The following CACFD1 variants were observed in gnomAD, a reference collection of about 807,000 sequenced individuals.
CACFD1 encodes the protein calcium channel flower domain containing 1.
A neutral mutation model predicts 21.3 loss-of-function variants in CACFD1; 26 were observed. The observed-to-expected ratio is 1.22, with a 90% confidence interval of 0.89 to 1.69. CACFD1 has a LOEUF of 1.69. CACFD1 is among the 40% of genes most tolerant of loss of function. The pLI is 0.00. For synonymous variants in CACFD1, 121 were observed against 106.6 expected, an observed-to-expected ratio of 1.13 and a Z score of -0.83; for missense variants, 265 against 236.2, an observed-to-expected ratio of 1.12 and a Z score of -0.80.
chr9:133,468,464 G>C (rs782093510), intron 4 of CACFD1, 99 bp from the exon 5 acceptor site: 39 of 1,537,614 alleles, frequency 2.5e-5, no homozygotes, highest in Non-Finnish European at 3.2e-5. Context: ...AATGCCTGCA[G>C]GTCACACCTG....
intron 1 of CACFD1, among the ~76,000 whole-genome samples, chr9:133,461,611 C>G (rs952447575): frequency 6.6e-6 from 1 of 152,160 alleles, no homozygotes; most frequent in African/African-American, 2.4e-5. Flanking sequence ...GTGGCCCTGC[C>G]GACTCCCAGA....
chr9:133,465,072 C>T lies in CACFD1; in HGVS notation c.195-250C>T. 1 of 538,654 alleles carries T rather than the reference C, an allele frequency of 1.9e-6. No individual in the cohort carries two copies. 33.4% of individuals were successfully genotyped at this position (538,654 alleles called of 1,614,324 possible). On this transcript the variant is annotated intron_variant, in intron 2 of 4. Coordinates refer to ENST00000316948, the MANE Select transcript of CACFD1 (RefSeq NM_017586.5). This position sits in a 1 kb window ranked among gnomAD's most constrained non-coding sequence, Gnocchi z 5.0. ...GGGAAGCAGAAGCCCAGGGGCTTCC[C>T]TCTAGGAGTGTTCAGTTCAGCTGGG... is the stretch of plus-strand genomic sequence containing the variant.
Position 133,460,215 on chromosome 9 carries a change from G to GGCCCC in CACFD1, c.121+32_121+36dup, listed in dbSNP as rs1564452670. 2.0e-6 allele frequency: 3 copies of GGCCCC among 1,504,680 alleles called. No individual in the cohort carries two copies. In the African/African-American group the frequency reaches 4.3e-5, roughly 22 times the overall value. The allele number at this position is 1,504,680 out of a possible 1,614,324, so 93.2% of individuals were successfully genotyped here. A position where few individuals can be genotyped will look rare whatever the true frequency, so the allele number is the denominator to read the frequency against. On this transcript the variant is annotated intron_variant, in intron 1 of 4. Transcript: ENST00000316948. ...GAGTATCCAGTCGGGGAGAGGGGCC[G>GGCCCC]GCCCCGCCGCGCATGCGCTCCTCGC...
chr9:133,465,277 C>T lies in CACFD1; in HGVS notation c.195-45C>T. 6.2e-7 allele frequency: 1 copy of T among 1,611,356 alleles called. No homozygotes were observed. Among genetic ancestry groups the T allele is most frequent in the South Asian group, 1.1e-5 (1 of 91,016 alleles). On this transcript the variant is annotated intron_variant, in intron 2 of 4. Coordinates refer to ENST00000316948, the MANE Select transcript of CACFD1 (RefSeq NM_017586.5). The surrounding 1 kb of genome is among the most constrained non-coding windows in gnomAD (Gnocchi z 5.0). ...GGCACTGGGGGCCGCCCTCATCCTC[C>T]TGGGATTGTCAGTCGCTGCTCTTCT...
intron 3 of CACFD1, among the ~76,000 whole-genome samples, chr9:133,467,691 C>A (rs1554799797): frequency 3.3e-5 from 5 of 152,166 alleles, no homozygotes; most frequent in Non-Finnish European, 7.3e-5. Flanking sequence ...GATCACAGAC[C>A]CCTTCAAAAA....
In CACFD1 at chr9:133,470,216, TGTGTGTGTGTATGTATATGTGTGTGG is replaced by T. The variant is rs1195625319; in HGVS notation, c.*1567_*1592del. 4.2e-5 allele frequency: 6 copies of T among 143,168 alleles called. No homozygotes were observed. Among genetic ancestry groups the T allele is most frequent in the African/African-American group, 1.2e-4 (5 of 40,466 alleles). The allele number at this position is 143,168 out of a possible 1,614,324, so 8.9% of individuals were successfully genotyped here. On this transcript the variant is annotated 3_prime_UTR_variant, in exon 5 of 5. Coordinates refer to ENST00000316948, the MANE Select transcript of CACFD1 (RefSeq NM_017586.5). ...GTGTGTGTGTGTGTGTGTGTGTGTGTGTGTGTGTGTATGTATATGTGTGTGGGTGCACACATCTGTCCCATGTATGC... is the reference window on the plus strand; with the variant it reads ...GTGTGTGTGTGTGTGTGTGTGTGTGTGTGCACACATCTGTCCCATGTATGC...
At chr9:133,463,618 C>G in intron 2 of CACFD1, 63 bp downstream of exon 2, 1 of 1,556,662 alleles carries the variant, frequency 6.4e-7, no homozygotes, top group South Asian at 1.1e-5. Flanking sequence ...CTGGGCACCT[C>G]CCGGGACAGA....
At chr9:133,466,344 C>G (rs191668230) in intron 3 of CACFD1, among the ~76,000 whole-genome samples, 14 of 152,242 alleles carry the variant, frequency 9.2e-5, no homozygotes, top group Non-Finnish European at 1.9e-4. Flanking sequence ...GCCTGCTAAT[C>G]TTCTGATGTG....
rs781793507 is a variant in CACFD1 at position 133,468,663 on chromosome 9, C to T, written c.*10C>T. On this transcript the variant is annotated 3_prime_UTR_variant, in exon 5 of 5. Transcript: ENST00000316948. ...GGAGGGGGAGCTGTGAAGGGCTGGG[C>T]GCCCCTCCCTCCCTGTCCCCTCTTC... The T allele has an allele frequency of 2.6e-5, 40 of 1,561,098 alleles. No individual in the cohort carries two copies. Among genetic ancestry groups the T allele is most frequent in the South Asian group, 1.3e-4 (11 of 84,840 alleles).
intron 2 of CACFD1, among the ~76,000 whole-genome samples, chr9:133,464,512 G>T (rs782583755): frequency 1.6e-4 from 24 of 152,088 alleles, no homozygotes; most frequent in African/African-American, 5.1e-4. Context: ...GAGAGTGCCT[G>T]CCCCGGGCTT....
chr9:133,460,528 T>G (rs1843152317), intron 1 of CACFD1, among the ~76,000 whole-genome samples: 1 of 101,006 alleles, frequency 9.9e-6, no homozygotes, highest in Non-Finnish European at 2.5e-5. Flanking sequence ...CTCCCCCCGC[T>G]CCCCAGGGGC....
In CACFD1 at chr9:133,469,027, C is replaced by T; in HGVS notation, c.*374C>T. On this transcript the variant is annotated 3_prime_UTR_variant, in exon 5 of 5. Coordinates refer to ENST00000316948, the MANE Select transcript of CACFD1 (RefSeq NM_017586.5). ...GAGGGGAGGGGCAAGTGGGACCCTGCCACCTGGGCACTGAGCAGAGGGACC... is the reference window on the plus strand; with the variant it reads ...GAGGGGAGGGGCAAGTGGGACCCTGTCACCTGGGCACTGAGCAGAGGGACC... 1 of 298,450 alleles carries T rather than the reference C, an allele frequency of 3.4e-6. No homozygotes were observed. The highest frequency in any genetic ancestry group is 5.8e-5 in the East Asian group (1 of 17,352). The allele number at this position is 298,450 out of a possible 1,614,324, so 18.5% of individuals were successfully genotyped here.
At chr9:133,460,222 C>T (rs781958453) in intron 1 of CACFD1, 35 bp downstream of exon 1, 3 of 1,499,108 alleles carry the variant, frequency 2.0e-6, no homozygotes, top group Non-Finnish European at 8.9e-7. Context: ...GCCGGCCCCG[C>T]CGCGCATGCG....
Position 133,468,598 on chromosome 9 carries a change from A to G in CACFD1, c.464A>G (p.Gln155Arg). 1 of 1,592,260 alleles carries G rather than the reference A, an allele frequency of 6.3e-7. No individual in the cohort carries two copies. Among genetic ancestry groups the G allele is most frequent in the Admixed American group, 1.8e-5 (1 of 56,096 alleles). ...DAISYARIQQ[Q>R]RQQADEEKLA... ...ATCTCCTATGCCAGGATCCAGCAGC[A>G]GAGGCAGCAGGCGGATGAGGAGAAG... Residue 155 changes from glutamine to arginine, a missense_variant, in exon 5 of 5, where the codon CAG (glutamine) becomes CGG (arginine). Gln to Arg is a conservative substitution (Grantham distance 43, BLOSUM62 1). Transcript: ENST00000316948.
At position 133,468,741 on chromosome 9, in the gene CACFD1, C is replaced by T; in HGVS notation, c.*88C>T. The T allele has an allele frequency of 6.8e-7, 1 of 1,461,594 alleles. No homozygotes were observed. Among genetic ancestry groups the T allele is most frequent in the Non-Finnish European group, 9.0e-7 (1 of 1,107,640 alleles). 90.5% of individuals were successfully genotyped at this position (1,461,594 alleles called of 1,614,324 possible). On this transcript the variant is annotated 3_prime_UTR_variant, in exon 5 of 5. Transcript: ENST00000316948. ...TGGACTGTCCACGCTGAGGCACAGC[C>T]TGGAGAGGGGCCTTTGCACGTGTCC...
intron 1 of CACFD1, among the ~76,000 whole-genome samples, chr9:133,462,824 T>C (rs1271768356): frequency 6.6e-6 from 1 of 152,244 alleles, no homozygotes; most frequent in Non-Finnish European, 1.5e-5. Context: ...CCTGGCCTTA[T>C]GGCATTTCAG....
At chr9:133,466,608 A>G (rs1213996956) in intron 3 of CACFD1, among the ~76,000 whole-genome samples, 1 of 152,118 alleles carries the variant, frequency 6.6e-6, no homozygotes, top group African/African-American at 2.4e-5. Context: ...TTCTGTGTTT[A>G]TGATGATTTC....
Position 133,465,291 on chromosome 9 carries a change from C to A in CACFD1, c.195-31C>A, listed in dbSNP as rs781878069. 7 of 1,612,602 alleles carry A rather than the reference C, an allele frequency of 4.3e-6. No individual in the cohort carries two copies. The African/African-American group carries it at 6.7e-5, about 15-fold the overall frequency. ...CCCTCATCCTCCTGGGATTGTCAGT[C>A]GCTGCTCTTCTCCTGCCCTGGTCCC... On this transcript the variant is annotated intron_variant, in intron 2 of 4. Transcript: ENST00000316948. This position sits in a 1 kb window ranked among gnomAD's most constrained non-coding sequence, Gnocchi z 5.0.
chr9:133,467,523 C>G (rs1843486094), intron 3 of CACFD1, among the ~76,000 whole-genome samples: 1 of 152,206 alleles, frequency 6.6e-6, no homozygotes, highest in African/African-American at 2.4e-5. Flanking sequence ...CTCGGACAAG[C>G]TTTGATCCCC....
Sources: gnomAD v4.1 joint callset for allele counts (sites outside exome capture counted in the v4.1 genomes callset) on GRCh38, gnomAD v4.1.1 for gene constraint, Gnocchi (gnomAD v3.1) non-coding constraint, MANE v1.5 for transcripts, NCBI Gene and HGNC (gene_info 2026-07-23, HGNC 2026-07-21) for gene names.